The following GTF2H2C variants were observed in gnomAD, a reference collection of about 807,000 sequenced individuals.
GTF2H2C encodes the protein general transcription factor IIH subunit 2-like protein.
A neutral mutation model predicts 24.8 loss-of-function variants in GTF2H2C; 5 were observed. That is an observed-to-expected ratio of 0.20 (90% CI 0.11 to 0.42). The LOEUF (loss-of-function observed/expected upper bound fraction) is 0.42. Among genes scored for constraint, GTF2H2C ranks in the 20% least tolerant of loss-of-function variants. The pLI, the probability that GTF2H2C is intolerant of heterozygous loss-of-function variation, is 1.00. For missense variants in GTF2H2C, 45 were observed against 169.8 expected (o/e 0.27, Z 4.08); for synonymous variants, 14 against 52.6 (o/e 0.27, Z 3.18).
rs779761105 is a variant in GTF2H2C at position 69,573,145 on chromosome 5, T to TACACACACAC, written c.470+624_470+633dup. ...TTAAAGCTTATATATCTATTATATATACACACACACACACACACACACACA... is the reference window on the plus strand; with the variant it reads ...TTAAAGCTTATATATCTATTATATATACACACACACACACACACACACACACACACACACA... On this transcript the variant is annotated intron_variant, in intron 9 of 16. Coordinates refer to ENST00000380729, the MANE Select transcript of GTF2H2C (RefSeq NM_001376000.2). 1.7e-3 allele frequency among the ~76,000 whole-genome samples: 205 copies of TACACACACAC among 117,434 alleles called. 2 individuals carry two copies. The highest frequency in any genetic ancestry group is 4.7e-3 in the African/African-American group (151 of 32,252). 77.0% of individuals were successfully genotyped at this position (117,434 alleles called of 152,430 possible). A position where few individuals can be genotyped will look rare whatever the true frequency, so the allele number is the denominator to read the frequency against.
chr5:69,561,216 C>A lies in GTF2H2C; in HGVS notation c.-132+813C>A, dbSNP rs144783267. Among the ~76,000 whole-genome samples, 279 of 151,830 alleles carry A rather than the reference C, an allele frequency of 1.8e-3. 3 individuals are homozygous for A. Among genetic ancestry groups the A allele is most frequent in the African/African-American group, 6.2e-3 (257 of 41,342 alleles). The stretch of plus-strand genomic sequence containing the variant: ...TGCAGTTTTAGGGACCTTAATACCT[C>A]CTGTCCAGTCGGATTTCCCATTGCA... On this transcript the variant is annotated intron_variant, in intron 1 of 16. Transcript: ENST00000380729.
intron 2 of GTF2H2C, among the ~76,000 whole-genome samples, 193 bp from the exon 3 acceptor site, chr5:69,564,907 C>T (rs563604724): frequency 6.6e-6 from 1 of 151,960 alleles, no homozygotes; most frequent in Non-Finnish European, 1.5e-5. Context: ...TGTATAAGTT[C>T]ATATTATTTC....
intron 2 of GTF2H2C, 74 bp from the exon 3 acceptor site, chr5:69,565,026 T>C: frequency 2.1e-6 from 2 of 945,150 alleles, no homozygotes; most frequent in East Asian, 2.6e-5. Context: ...TATATGTGTC[T>C]AATTTTCAAA....
chr5:69,580,483 T>C, intron 12 of GTF2H2C, among the ~76,000 whole-genome samples: 1 of 144,236 alleles, frequency 6.9e-6, no homozygotes, highest in East Asian at 2.2e-4. Context: ...CCTGTAATCC[T>C]AGCACTTTGG....
At position 69,566,250 on chromosome 5, in the gene GTF2H2C, T is replaced by G. The variant is rs140270499; in HGVS notation, c.134+42T>G. The G allele has an allele frequency of 1.7e-3, 2,764 of 1,602,210 alleles. 61 individuals are homozygous for G. In the African/African-American group the frequency reaches 0.031, roughly 18 times the overall value. On this transcript the variant is annotated intron_variant, in intron 4 of 16. Transcript: ENST00000380729. The stretch of plus-strand genomic sequence containing the variant: ...CGTATCTTAAAAAGGTAAAATATAT[T>G]CATTTTAAGCCTTTCTATCTATAAA...
At chr5:69,563,473 A>G (rs574689245) in intron 2 of GTF2H2C, among the ~76,000 whole-genome samples, 3 of 152,044 alleles carry the variant, frequency 2.0e-5, no homozygotes, top group Non-Finnish European at 2.9e-5. Flanking sequence ...TGTCCTCTCA[A>G]AAGTGCAGGG....
Position 69,594,309 on chromosome 5 carries a change from C to T in GTF2H2C, c.*2111C>T, listed in dbSNP as rs1302724886. ...TGACCTCAGGTCATCCACCCACCTC[C>T]GCCACCGTGCCCGGCCGAAATTTGT... On this transcript the variant is annotated 3_prime_UTR_variant, in exon 17 of 17. Transcript: ENST00000380729. 5.1e-5 allele frequency: 5 copies of T among 98,514 alleles called. No homozygotes were observed. Among genetic ancestry groups the T allele is most frequent in the Admixed American group, 3.7e-4 (3 of 8,068 alleles). The allele number at this position is 98,514 out of a possible 1,614,324, so 6.1% of individuals were successfully genotyped here. A position where few individuals can be genotyped will look rare whatever the true frequency, so the allele number is the denominator to read the frequency against.
At chr5:69,573,145 T>TAC (rs779761105) in intron 9 of GTF2H2C, among the ~76,000 whole-genome samples, 30,841 of 116,022 alleles carry the variant, frequency 0.27, 3,998 homozygotes, top group Middle Eastern at 0.41. Context: ...CTATTATATA[T>TAC]ACACACACAC....
Position 69,579,880 on chromosome 5 carries a change from T to A in GTF2H2C, c.757+16T>A. The A allele has an allele frequency of 1.3e-6, 2 of 1,569,554 alleles. No homozygotes were observed. The highest frequency in any genetic ancestry group is 1.7e-6 in the Non-Finnish European group (2 of 1,158,146). On this transcript the variant is annotated intron_variant, in intron 12 of 16. Coordinates refer to ENST00000380729, the MANE Select transcript of GTF2H2C (RefSeq NM_001376000.2). ...ATTCGTATGGGTAAGTGTTTTTATG[T>A]TTTTAAAAAATACATATCTAGGCTC...
rs1311035668 is a variant in GTF2H2C at position 69,593,982 on chromosome 5, A to G, written c.*1784A>G. ...AAAAAAAAGAGTAAATCAGGCTTTC[A>G]TAGCAAAGGTATGTCTATTTTATGT... On this transcript the variant is annotated 3_prime_UTR_variant, in exon 17 of 17. Transcript: ENST00000380729. Among the ~76,000 whole-genome samples the G allele has an allele frequency of 3.3e-5, 4 of 122,308 alleles. No individual in the cohort carries two copies. Among genetic ancestry groups the G allele is most frequent in the African/African-American group, 1.2e-4 (4 of 33,062 alleles). The allele number at this position is 122,308 out of a possible 152,430, so 80.2% of individuals were successfully genotyped here.
intron 15 of GTF2H2C, among the ~76,000 whole-genome samples, chr5:69,590,041 C>T (rs548858608): frequency 8.1e-5 from 12 of 148,230 alleles, no homozygotes; most frequent in Admixed American, 2.1e-4. Flanking sequence ...CCTGCCATCA[C>T]GCCCAGCTAA....
chr5:69,563,479 C>T (rs1255600127), intron 2 of GTF2H2C, among the ~76,000 whole-genome samples: 1 of 152,022 alleles, frequency 6.6e-6, no homozygotes, highest in Admixed American at 6.6e-5. Flanking sequence ...CTCAAAAGTG[C>T]AGGGATTACA....
rs550010574 is a variant in GTF2H2C, at chr5:69,563,098, C to T, written c.-34+328C>T. Among the ~76,000 whole-genome samples, 7 of 148,638 alleles carry T rather than the reference C, an allele frequency of 4.7e-5. No homozygotes were observed. The East Asian group carries it at 5.9e-4, about 13-fold the overall frequency. ...CCCAGTAGCTGGGATTACAGGGGCC[C>T]GCTCCCACCAACCTCCTAGCTAATT... On this transcript the variant is annotated intron_variant, in intron 2 of 16. Coordinates refer to ENST00000380729, the MANE Select transcript of GTF2H2C (RefSeq NM_001376000.2).
intron 1 of GTF2H2C, 166 bp downstream of exon 1, chr5:69,560,569 C>T (rs1456185637): frequency 1.4e-5 from 2 of 146,696 alleles, no homozygotes; most frequent in Non-Finnish European, 3.0e-5. Context: ...AAAACAAGGA[C>T]AGTAATCACC....
chr5:69,568,523 GAGTCTTGCTCTGTCGCC>G (rs1561366157), intron 8 of GTF2H2C: 1 of 162,216 alleles, frequency 6.2e-6, no homozygotes, highest in African/African-American at 4.8e-5. Flanking sequence ...TTTGGAGATG[GAGTCTTGCTCTGTCGCC>G]AGGCTAGAGT....
rs1770728754 is a variant in GTF2H2C, at chr5:69,565,971, C to CTAGTCTGTGGATATTT, written c.57-159_57-144dup. 3.6e-5 allele frequency: 22 copies of CTAGTCTGTGGATATTT among 615,232 alleles called. No individual in the cohort carries two copies. The East Asian group carries it at 6.1e-4, about 17-fold the overall frequency. The allele number at this position is 615,232 out of a possible 1,614,324, so 38.1% of individuals were successfully genotyped here. A position where few individuals can be genotyped will look rare whatever the true frequency, so the allele number is the denominator to read the frequency against. ...TGCCACATTATTGTTTATCCATTCA[C>CTAGTCTGTGGATATTT]TAGTCTGTGGATATTTAGGTTCTTT... On this transcript the variant is annotated intron_variant, in intron 3 of 16. Transcript: ENST00000380729.
chr5:69,575,502 CA>C (rs1771299143), intron 9 of GTF2H2C, among the ~76,000 whole-genome samples: 2 of 141,532 alleles, frequency 1.4e-5, no homozygotes, highest in African/African-American at 6.0e-5. Context: ...AGTTCAAGAC[CA>C]GTCTGGCCAA....
In GTF2H2C at chr5:69,582,902, AAC is replaced by A. The variant is rs1385918657; in HGVS notation, c.821+475_821+476del. On this transcript the variant is annotated intron_variant, in intron 13 of 16. Coordinates refer to ENST00000380729, the MANE Select transcript of GTF2H2C (RefSeq NM_001376000.2). ...ACAAACCTAGATAGTGTAGCCTACT[AAC>A]ATCGCAGTTATATAGTATAGCCTAT... 6.3e-5 allele frequency among the ~76,000 whole-genome samples: 2 copies of A among 31,764 alleles called. 1 individual carries two copies. Among genetic ancestry groups the A allele is most frequent in the Non-Finnish European group, 1.5e-4 (2 of 13,076 alleles). 20.8% of individuals were successfully genotyped at this position (31,764 alleles called of 152,430 possible).
intron 8 of GTF2H2C, 169 bp downstream of exon 8, chr5:69,568,376 A>ATATATATTCTAAATTG (rs1770877265): frequency 1.8e-6 from 1 of 546,092 alleles, no homozygotes; most frequent in African/African-American, 2.1e-5. Flanking sequence ...CTTAGGATAC[A>ATATATATTCTAAATTG]AGGTTAACTA....
Sources: allele counts gnomAD v4.1 joint callset (sites outside exome capture counted in the v4.1 genomes callset), GRCh38; gene constraint gnomAD v4.1.1; transcripts MANE v1.5; gene names NCBI Gene and HGNC (gene_info 2026-07-23, HGNC 2026-07-21).